Variants in GYPC observed in about 807,000 individuals in gnomAD.
The protein encoded by GYPC is glycophorin C (Gerbich blood group), also known as glycophorin-C.
Under a neutral mutation model 12.6 loss-of-function variants are expected in GYPC, and 14 were observed. The observed-to-expected ratio is 1.11, with a 90% CI of 0.74 to 1.74. The LOEUF (loss-of-function observed/expected upper bound fraction) is 1.74, where lower values mean the gene tolerates loss of function less well. GYPC is among the 40% of genes most tolerant of loss of function. GYPC has a pLI of 0.00. For missense variants in GYPC, 225 were observed against 172.1 expected (o/e 1.31, Z -1.72); for synonymous variants, 78 against 62.1 (o/e 1.26, Z -1.20).
chr2:126,673,073 G>A (rs1485707044), intron 1 of GYPC, among the ~76,000 whole-genome samples: 1 of 152,044 alleles, frequency 6.6e-6, no homozygotes, highest in Admixed American at 6.5e-5. Flanking sequence ...AGACCCAGAA[G>A]GGTATTGGGA....
Position 126,696,156 on chromosome 2 carries a change from T to A in GYPC, c.*14T>A. ...TACTTTATTTGAGGGACAACAGACT[T>A]CACTTCCCTGAATGCCTCCCCCATC... On this transcript the variant is annotated 3_prime_UTR_variant, in exon 4 of 4. Coordinates refer to ENST00000259254, the MANE Select transcript of GYPC (RefSeq NM_002101.5). 1 of 1,599,634 alleles carries A rather than the reference T, an allele frequency of 6.3e-7. No individual in the cohort carries two copies.
At chr2:126,663,560 A>G (rs573660269) in intron 1 of GYPC, among the ~76,000 whole-genome samples, 6 of 152,314 alleles carry the variant, frequency 3.9e-5, no homozygotes, top group South Asian at 2.1e-4. Context: ...CTGGTTCTCC[A>G]TGGAGAAGAG....
chr2:126,656,361 G>A (rs755485656), intron 1 of GYPC, 49 bp downstream of exon 1: 9 of 1,500,168 alleles, frequency 6.0e-6, no homozygotes, highest in Non-Finnish European at 6.3e-6. Flanking sequence ...TGGAGGCCGC[G>A]GCCCGCAGCA....
chr2:126,694,002 A>G, intron 3 of GYPC, 55 bp downstream of exon 3: 2 of 1,191,916 alleles, frequency 1.7e-6, no homozygotes, highest in South Asian at 2.4e-5. Flanking sequence ...CCTTGGTGAA[A>G]ACATCCAGGG....
chr2:126,657,463 G>C (rs145989695), intron 1 of GYPC: 2 of 152,246 alleles, frequency 1.3e-5, no homozygotes, highest in South Asian at 4.1e-4. Context: ...CCAGCAGCAC[G>C]AAGTGCGTAT....
intron 1 of GYPC, among the ~76,000 whole-genome samples, chr2:126,664,855 A>T (rs1263767976): frequency 6.6e-6 from 1 of 152,190 alleles, no homozygotes; most frequent in African/African-American, 2.4e-5. Flanking sequence ...TGGGCTGGGC[A>T]TCTGCAGGGG....
At position 126,696,169 on chromosome 2, in the gene GYPC, T is replaced by A. The variant is rs372419548; in HGVS notation, c.*27T>A. 1 of 1,538,512 alleles carries A rather than the reference T, an allele frequency of 6.5e-7. No individual in the cohort carries two copies. The highest frequency in any genetic ancestry group is 9.0e-7 in the Non-Finnish European group (1 of 1,112,106). ...GGACAACAGACTTCACTTCCCTGAATGCCTCCCCCATCTCCATCAGGAAAA... is the reference window on the plus strand; with the variant it reads ...GGACAACAGACTTCACTTCCCTGAAAGCCTCCCCCATCTCCATCAGGAAAA... On this transcript the variant is annotated 3_prime_UTR_variant, in exon 4 of 4. Transcript: ENST00000259254.
At chr2:126,689,453 G>A (rs1396631806) in intron 1 of GYPC, among the ~76,000 whole-genome samples, 1 of 151,936 alleles carries the variant, frequency 6.6e-6, no homozygotes, top group African/African-American at 2.4e-5. Context: ...GTTTGACCCT[G>A]CAAAAGCTCA....
intron 1 of GYPC, among the ~76,000 whole-genome samples, chr2:126,665,155 T>C (rs923478100): frequency 2.4e-4 from 37 of 152,200 alleles, no homozygotes; most frequent in African/African-American, 8.7e-4. Context: ...AGAGGAAGGA[T>C]GTAGGAAGAA....
chr2:126,669,461 G>T (rs1330068231), intron 1 of GYPC, among the ~76,000 whole-genome samples: 1 of 152,128 alleles, frequency 6.6e-6, no homozygotes, highest in African/African-American at 2.4e-5. Flanking sequence ...AAACTGGGGA[G>T]TTTCAAGGAA....
chr2:126,695,360 G>A (rs138680067), intron 3 of GYPC, among the ~76,000 whole-genome samples: 30 of 152,246 alleles, frequency 2.0e-4, no homozygotes, highest in Non-Finnish European at 3.4e-4. Context: ...AAAAGAAAAG[G>A]GAGGGAAGGA....
intron 1 of GYPC, among the ~76,000 whole-genome samples, chr2:126,668,990 A>G (rs1682761260): frequency 6.6e-6 from 1 of 152,180 alleles, no homozygotes; most frequent in African/African-American, 2.4e-5. Flanking sequence ...CTCAATAGCT[A>G]TGTAGCTACT....
intron 1 of GYPC, chr2:126,658,077 T>A (rs578083882): frequency 6.6e-6 from 1 of 152,412 alleles, no homozygotes; most frequent in African/African-American, 2.4e-5. Flanking sequence ...GCGTGAGTCA[T>A]GCACAGCAAT....
intron 1 of GYPC, among the ~76,000 whole-genome samples, chr2:126,674,873 A>T (rs1419039435): frequency 6.6e-6 from 1 of 152,190 alleles, no homozygotes; most frequent in African/African-American, 2.4e-5. Flanking sequence ...TGTTACTGTT[A>T]ACCCCCCAAC....
intron 1 of GYPC, among the ~76,000 whole-genome samples, chr2:126,689,102 C>T (rs1469989764): frequency 2.0e-5 from 3 of 152,200 alleles, no homozygotes; most frequent in African/African-American, 7.2e-5. Context: ...TGTGAAAAAA[C>T]ACACTCAGTA....
chr2:126,671,910 C>T (rs778465269), intron 1 of GYPC, among the ~76,000 whole-genome samples: 2 of 152,124 alleles, frequency 1.3e-5, no homozygotes, highest in Non-Finnish European at 2.9e-5. Context: ...TAGAAGGCTT[C>T]ACTAAGGGTG....
At chr2:126,662,172 C>G (rs541442779) in intron 1 of GYPC, among the ~76,000 whole-genome samples, 1 of 152,164 alleles carries the variant, frequency 6.6e-6, no homozygotes, top group East Asian at 1.9e-4. Flanking sequence ...ATTCTCAGCA[C>G]AGTCTTAAAA....
intron 1 of GYPC, among the ~76,000 whole-genome samples, chr2:126,663,195 G>T (rs146271366): frequency 6.6e-6 from 1 of 152,094 alleles, no homozygotes; most frequent in Non-Finnish European, 1.5e-5. Flanking sequence ...GTGCCACCAC[G>T]CCCAGCTAAT....
chr2:126,662,333 T>A (rs1682556121), intron 1 of GYPC, among the ~76,000 whole-genome samples: 2 of 152,204 alleles, frequency 1.3e-5, no homozygotes, highest in South Asian at 4.1e-4. Context: ...CATCCAGTGC[T>A]CTTGCTGAAA....
Sources: gnomAD v4.1 joint callset for allele counts (sites outside exome capture counted in the v4.1 genomes callset) on GRCh38, gnomAD v4.1.1 for gene constraint, MANE v1.5 for transcripts, NCBI Gene and HGNC (gene_info 2026-07-23, HGNC 2026-07-21) for gene names.